Variants in NTRK2 observed in about 807,000 individuals in gnomAD.
NTRK2 encodes BDNF/NT-3 growth factors receptor.
Under a neutral mutation model 94.5 loss-of-function variants are expected in NTRK2, and 13 were observed. The ratio of observed to expected loss-of-function variants is 0.14; its 90% CI spans 0.09 to 0.22. The LOEUF (loss-of-function observed/expected upper bound fraction) is 0.22. NTRK2 is among the 10% of genes least tolerant of loss of function. NTRK2 has a pLI of 1.00. For missense variants in NTRK2, 639 were observed against 1,071.2 expected (o/e 0.60, Z 5.63); for synonymous variants, 372 against 407.4 (o/e 0.91, Z 1.05).
At chr9:84,672,171 T>C (rs1250187910) in intron 2 of NTRK2, among the ~76,000 whole-genome samples, 1 of 152,188 alleles carries the variant, frequency 6.6e-6, no homozygotes, top group East Asian at 1.9e-4. Flanking sequence ...TGTTTTTTAA[T>C]GTAAGTAAGA....
At chr9:84,726,349 C>T (rs1054875686) in intron 8 of NTRK2, among the ~76,000 whole-genome samples, 3 of 152,084 alleles carry the variant, frequency 2.0e-5, no homozygotes, top group Admixed American at 6.6e-5. Flanking sequence ...TAGCCGGTCA[C>T]GATGGCAGGC....
rs2075323815 is a variant in NTRK2, at chr9:84,861,181, T to C, written c.1444+94T>C. On this transcript the variant is annotated intron_variant, in intron 13 of 18. Coordinates refer to ENST00000277120, the MANE Select transcript of NTRK2 (RefSeq NM_006180.6). ...TAGACCCTCTTTACATTCCACGGTC[T>C]TTGATTCATTTTCTGTGTTCCTGGT... 13 of 961,584 alleles carry C rather than the reference T, an allele frequency of 1.4e-5. No homozygotes were observed. The South Asian group carries it at 1.8e-4, about 13-fold the overall frequency. 59.6% of individuals were successfully genotyped at this position (961,584 alleles called of 1,614,324 possible). A position where few individuals can be genotyped will look rare whatever the true frequency, so the allele number is the denominator to read the frequency against.
At chr9:84,928,112 G>A (rs2077887889) in intron 14 of NTRK2, among the ~76,000 whole-genome samples, 2 of 152,104 alleles carry the variant, frequency 1.3e-5, no homozygotes, top group Non-Finnish European at 2.9e-5. Context: ...TTGTTCTGGT[G>A]TGTTTTATGT....
rs1833046281 is a variant in NTRK2, at chr9:85,026,614, T to C, written c.*5177T>C. ...GGTGAACTATTGCTCCCTGCGTTCT[T>C]TGATCATTACCTATGACTTACAAAT... On this transcript the variant is annotated 3_prime_UTR_variant, in exon 19 of 19. Transcript: ENST00000277120. The C allele has an allele frequency of 4.3e-6, 1 of 232,888 alleles. No individual in the cohort carries two copies. The highest frequency in any genetic ancestry group is 5.6e-5 in the Admixed American group (1 of 17,786). 14.4% of individuals were successfully genotyped at this position (232,888 alleles called of 1,614,324 possible).
In NTRK2 at chr9:84,758,470, C is replaced by A. The variant is rs554702938; in HGVS notation, c.1396+6385C>A. Among the ~76,000 whole-genome samples, 18 of 152,268 alleles carry A rather than the reference C, an allele frequency of 1.2e-4. No individual in the cohort carries two copies. The South Asian group carries it at 3.5e-3, about 30-fold the overall frequency. On this transcript the variant is annotated intron_variant, in intron 12 of 18. Coordinates refer to ENST00000277120, the MANE Select transcript of NTRK2 (RefSeq NM_006180.6). ...GCAGTGGCATGATCTCGGCTCACCA[C>A]AACCTCTGCCGCCCAGCTTCAAGTG...
intron 12 of NTRK2, chr9:84,810,819 G>A: frequency 7.4e-7 from 1 of 1,359,170 alleles, no homozygotes. Context: ...AGCACCTCAA[G>A]AAAACATGTT....
At position 84,710,559 on chromosome 9, in the gene NTRK2, G is replaced by T. The variant is rs373547600; in HGVS notation, c.429-78G>T. ...TTGCTGGCTAGAAAGAATTCATAAT[G>T]TTGTAGTATTTTACAAGCACTAATG... On this transcript the variant is annotated intron_variant, in intron 5 of 18. Coordinates refer to ENST00000277120, the MANE Select transcript of NTRK2 (RefSeq NM_006180.6). The T allele has an allele frequency of 9.7e-6, 14 of 1,443,236 alleles. 1 individual carries two copies. The highest frequency in any genetic ancestry group is 4.2e-5 in the African/African-American group (3 of 71,606). 89.4% of individuals were successfully genotyped at this position (1,443,236 alleles called of 1,614,324 possible). A position where few individuals can be genotyped will look rare whatever the true frequency, so the allele number is the denominator to read the frequency against.
Position 85,026,969 on chromosome 9 carries a change from C to A in NTRK2, c.*5532C>A. 2 of 232,420 alleles carry A rather than the reference C, an allele frequency of 8.6e-6. No homozygotes were observed. Among genetic ancestry groups the A allele is most frequent in the Non-Finnish European group, 1.7e-5 (2 of 117,644 alleles). 14.4% of individuals were successfully genotyped at this position (232,420 alleles called of 1,614,324 possible). On this transcript the variant is annotated 3_prime_UTR_variant, in exon 19 of 19. Coordinates refer to ENST00000277120, the MANE Select transcript of NTRK2 (RefSeq NM_006180.6). ...TTTTGTTTGTAAATCATGTGACCAG[C>A]TTCTCTCAACCTGACATGGAAAGTC...
chr9:84,941,836 A>G (rs1039161709), intron 15 of NTRK2, among the ~76,000 whole-genome samples: 3 of 152,238 alleles, frequency 2.0e-5, no homozygotes, highest in African/African-American at 7.2e-5. Flanking sequence ...TTGATATCAT[A>G]TGCAAGTATA....
chr9:85,012,592 T>C (rs1831748250), intron 17 of NTRK2, among the ~76,000 whole-genome samples: 1 of 152,218 alleles, frequency 6.6e-6, no homozygotes, highest in South Asian at 2.1e-4. Context: ...GCAACAATAT[T>C]TTGAAGTTGG....
chr9:84,916,649 C>A (rs1237955190), intron 14 of NTRK2, among the ~76,000 whole-genome samples: 1 of 152,130 alleles, frequency 6.6e-6, no homozygotes, highest in Non-Finnish European at 1.5e-5. Context: ...TATTTCTTGC[C>A]TTCCTTAATG....
At chr9:84,681,925 T>C (rs1241848529) in intron 2 of NTRK2, among the ~76,000 whole-genome samples, 1 of 152,172 alleles carries the variant, frequency 6.6e-6, no homozygotes, top group Admixed American at 6.5e-5. Context: ...ATAACAGTCT[T>C]TTTCTACACC....
chr9:84,941,838 G>A (rs1488908831), intron 15 of NTRK2, among the ~76,000 whole-genome samples: 2 of 152,180 alleles, frequency 1.3e-5, no homozygotes, highest in Admixed American at 1.3e-4. Flanking sequence ...GATATCATAT[G>A]CAAGTATAAA....
rs770601194 is a variant in NTRK2, at chr9:84,867,430, A to G, written c.1632A>G (p.Thr544=). The stretch of plus-strand genomic sequence containing the variant: ...CCAACAGTCAGCTCAAGCCAGACAC[A>G]TGTAAGTACAGCTGTTTGTACTTAT... The part of the protein sequence containing the change: ...GITNSQLKPD[T]FVQHIKRHNI... Residue 544 remains threonine (T), a splice_region_variant and synonymous_variant, in exon 14 of 19, where the codon ACA becomes ACG. Transcript: ENST00000277120. 1 of 1,612,226 alleles carries G rather than the reference A, an allele frequency of 6.2e-7. No homozygotes were observed. Among genetic ancestry groups the G allele is most frequent in the Non-Finnish European group, 8.5e-7 (1 of 1,178,294 alleles).
chr9:84,935,619 G>GGAGA (rs144960706), intron 15 of NTRK2, among the ~76,000 whole-genome samples: 2 of 151,684 alleles, frequency 1.3e-5, no homozygotes, highest in African/African-American at 4.8e-5. Context: ...AAATGGAGGG[G>GGAGA]GAGAGAGAGA....
intron 13 of NTRK2, among the ~76,000 whole-genome samples, chr9:84,865,980 A>G (rs1400334483): frequency 6.6e-6 from 1 of 152,250 alleles, no homozygotes; most frequent in Non-Finnish European, 1.5e-5. Context: ...TTGTTTAGAC[A>G]AGATACAGTA....
At chr9:84,810,850 A>G in intron 12 of NTRK2, 2 of 1,297,358 alleles carry the variant, frequency 1.5e-6, no homozygotes, top group South Asian at 2.7e-5. Context: ...TTCTCTTCTT[A>G]CAGTAGTTCA....
chr9:84,749,160 G>A (rs2064356882), intron 11 of NTRK2, among the ~76,000 whole-genome samples: 3 of 152,106 alleles, frequency 2.0e-5, no homozygotes, highest in African/African-American at 7.2e-5. Flanking sequence ...CCTAGGAGGC[G>A]GAGGTTGTGG....
chr9:84,930,943 C>T lies in NTRK2; in HGVS notation c.1634-3219C>T, dbSNP rs1383880533. 1.3e-5 allele frequency among the ~76,000 whole-genome samples: 2 copies of T among 152,158 alleles called. 1 individual carries two copies. Among genetic ancestry groups the T allele is most frequent in the Non-Finnish European group, 2.9e-5 (2 of 68,030 alleles). ...TCACCTACAGGCTTAGAAGAGTTGA[C>T]CTCAATTAACTCAAATAACATAGTC... On this transcript the variant is annotated intron_variant, in intron 14 of 18. Coordinates refer to ENST00000277120, the MANE Select transcript of NTRK2 (RefSeq NM_006180.6).
Sources: allele counts gnomAD v4.1 joint callset (sites outside exome capture counted in the v4.1 genomes callset), GRCh38; gene constraint gnomAD v4.1.1; transcripts MANE v1.5; gene names NCBI Gene and HGNC (gene_info 2026-07-23, HGNC 2026-07-21).